The following SHROOM3 variants were observed in gnomAD, a reference collection of about 807,000 sequenced individuals.
SHROOM3 encodes the protein shroom family member 3, also known as protein Shroom3.
A neutral mutation model predicts 138.6 loss-of-function variants in SHROOM3; 47 were observed. The observed-to-expected ratio is 0.34, with a 90% confidence interval of 0.27 to 0.43. The LOEUF (loss-of-function observed/expected upper bound fraction) is 0.43. Among genes scored for constraint, SHROOM3 ranks in the 20% least tolerant of loss-of-function variants. The pLI, the probability that SHROOM3 is intolerant of heterozygous loss-of-function variation, is 1.00. For synonymous variants in SHROOM3, 1,062 were observed against 1,063.3 expected (o/e 1.00, Z 0.02); for missense variants, 2,491 against 2,596.5 (o/e 0.96, Z 0.88).
chr4:76,446,251 G>C (rs67436027), intron 1 of SHROOM3, among the ~76,000 whole-genome samples: 1 of 151,024 alleles, frequency 6.6e-6, no homozygotes, highest in Non-Finnish European at 1.5e-5. Flanking sequence ...TTCTTTCAAA[G>C]TAAAAACTGC....
At chr4:76,496,819 C>T (rs967938826) in intron 1 of SHROOM3, among the ~76,000 whole-genome samples, 3 of 152,130 alleles carry the variant, frequency 2.0e-5, no homozygotes, top group African/African-American at 7.2e-5. Context: ...TCTCTCTTCT[C>T]CCCAGAGTAT....
intron 9 of SHROOM3, among the ~76,000 whole-genome samples, chr4:76,761,541 TAA>T (rs1414580026): frequency 9.2e-5 from 14 of 152,206 alleles, no homozygotes; most frequent in Non-Finnish European, 4.4e-5. Flanking sequence ...TAATAGATGC[TAA>T]AGTCAGATTT....
intron 2 of SHROOM3, among the ~76,000 whole-genome samples, chr4:76,655,702 G>A (rs1736052066): frequency 6.6e-6 from 1 of 152,136 alleles, no homozygotes; most frequent in Non-Finnish European, 1.5e-5. Flanking sequence ...GTCCAAAAAG[G>A]CCAGTTAAGC....
In SHROOM3 at chr4:76,741,692, C is replaced by T. The variant is rs1016261358; in HGVS notation, c.3519C>T (p.Ser1173=). ...AGGCTCCCCGAGATCGCAGCAGCTC[C>T]TTCGCCGGTGGCCGCCGCCTCGGGG... ...TQQAPRDRSS[S]FAGGRRLGER... is the part of the protein sequence containing the mutation. The change falls in exon 5 of 11, where the codon TCC becomes TCT. Residue 1173 remains serine (S), a synonymous_variant. Coordinates refer to ENST00000296043, the MANE Select transcript of SHROOM3 (RefSeq NM_020859.4). The surrounding 1 kb of genome is among the most constrained non-coding windows in gnomAD (Gnocchi z 6.2). The T allele has an allele frequency of 2.6e-6, 4 of 1,552,450 alleles. No individual in the cohort carries two copies. Among genetic ancestry groups the T allele is most frequent in the African/African-American group, 2.7e-5 (2 of 73,438 alleles).
intron 2 of SHROOM3, among the ~76,000 whole-genome samples, chr4:76,682,627 A>G (rs1482557508): frequency 1.3e-5 from 2 of 152,072 alleles, no homozygotes; most frequent in African/African-American, 4.8e-5. Context: ...GGAGAGAGAA[A>G]GGAAAGGTAA....
At chr4:76,497,395 C>T (rs1238993529) in intron 1 of SHROOM3, among the ~76,000 whole-genome samples, 1 of 151,546 alleles carries the variant, frequency 6.6e-6, no homozygotes, top group East Asian at 1.9e-4. Context: ...CTCAAATAAA[C>T]AAGAAAAAAG....
At chr4:76,645,143 A>G (rs546032582) in intron 2 of SHROOM3, among the ~76,000 whole-genome samples, 10 of 152,318 alleles carry the variant, frequency 6.6e-5, no homozygotes, top group South Asian at 4.1e-4. Flanking sequence ...ACCTAAACTA[A>G]TTAATATGAA....
chr4:76,480,446 A>G (rs1247627735), intron 1 of SHROOM3, among the ~76,000 whole-genome samples: 1 of 152,246 alleles, frequency 6.6e-6, no homozygotes, highest in Non-Finnish European at 1.5e-5. Context: ...AACTATCCTA[A>G]ATACATATGC....
intron 4 of SHROOM3, among the ~76,000 whole-genome samples, 195 bp downstream of exon 4, chr4:76,731,130 T>C (rs1202878770): frequency 6.6e-6 from 1 of 152,198 alleles, no homozygotes; most frequent in African/African-American, 2.4e-5. Flanking sequence ...CTTGGCTAGA[T>C]CAACTTGAAG....
In SHROOM3 at chr4:76,741,696, G is replaced by A. The variant is rs1298874237; in HGVS notation, c.3523G>A (p.Ala1175Thr). 4 of 1,551,420 alleles carry A rather than the reference G, an allele frequency of 2.6e-6. No individual in the cohort carries two copies. The highest frequency in any genetic ancestry group is 2.4e-5 in the East Asian group (1 of 41,348). The change falls in exon 5 of 11, where the codon GCC becomes ACC. Residue 1175 changes from alanine (A) to threonine (T), a missense_variant. Physicochemically the swap from Ala to Thr is moderately conservative, Grantham distance 58 (BLOSUM62 0). Around this residue, in one of 4 missense-constraint regions of SHROOM3, gnomAD observed 1,733 missense variants for 1,661.6 expected, o/e 1.04. Coordinates refer to ENST00000296043, the MANE Select transcript of SHROOM3 (RefSeq NM_020859.4). The surrounding 1 kb of genome is among the most constrained non-coding windows in gnomAD (Gnocchi z 6.2). Reference sequence around the variant, plus strand: ...TCCCCGAGATCGCAGCAGCTCCTTCGCCGGTGGCCGCCGCCTCGGGGAACG... The same window carrying A: ...TCCCCGAGATCGCAGCAGCTCCTTCACCGGTGGCCGCCGCCTCGGGGAACG... The part of the protein sequence containing the change: ...QAPRDRSSSF[A>T]GGRRLGERRR...
At chr4:76,478,025 G>T (rs972366323) in intron 1 of SHROOM3, among the ~76,000 whole-genome samples, 3 of 152,116 alleles carry the variant, frequency 2.0e-5, no homozygotes, top group Admixed American at 1.3e-4. Context: ...CAGGGCCCTG[G>T]GTTTCAAGCA....
chr4:76,548,224 T>C (rs539448372), intron 1 of SHROOM3, among the ~76,000 whole-genome samples: 1 of 144,608 alleles, frequency 6.9e-6, no homozygotes, highest in African/African-American at 2.6e-5. Flanking sequence ...GGGGCTGGTA[T>C]TGAGTGATCC....
chr4:76,442,894 T>C lies in SHROOM3; in HGVS notation c.168+6674T>C, dbSNP rs562607235. On this transcript the variant is annotated intron_variant, in intron 1 of 10. Transcript: ENST00000296043. ...ACAATTATGAAAATGAAAATGTGAA[T>C]GAATAAAGAGGAAGATAAGTATTAG... Among the ~76,000 whole-genome samples, 6 of 152,262 alleles carry C rather than the reference T, an allele frequency of 3.9e-5. No homozygotes were observed. In the South Asian group the frequency reaches 1.2e-3, roughly 32 times the overall value.
intron 2 of SHROOM3, among the ~76,000 whole-genome samples, chr4:76,613,554 T>G (rs1162111512): frequency 6.6e-6 from 1 of 152,214 alleles, no homozygotes; most frequent in Non-Finnish European, 1.5e-5. Context: ...TCAAGTGGTC[T>G]TGGGAACATA....
intron 1 of SHROOM3, among the ~76,000 whole-genome samples, chr4:76,481,194 G>A (rs956968118): frequency 1.6e-4 from 25 of 152,218 alleles, no homozygotes; most frequent in African/African-American, 6.0e-4. Flanking sequence ...TAATCCAGAA[G>A]CTGGTTTTTT....
chr4:76,506,683 T>A (rs1244544453), intron 1 of SHROOM3, among the ~76,000 whole-genome samples: 1 of 152,092 alleles, frequency 6.6e-6, no homozygotes, highest in African/African-American at 2.4e-5. Context: ...ACTAGTAACC[T>A]CTCCTCCCCA....
chr4:76,771,617 A>AC (rs1277579120), intron 10 of SHROOM3, among the ~76,000 whole-genome samples: 1 of 152,060 alleles, frequency 6.6e-6, no homozygotes, highest in African/African-American at 2.4e-5. Context: ...TCTCCACTGC[A>AC]CCCCCTCCTC....
At chr4:76,729,848 G>A (rs1401391399) in intron 3 of SHROOM3, among the ~76,000 whole-genome samples, 2 of 152,160 alleles carry the variant, frequency 1.3e-5, no homozygotes, top group Admixed American at 1.3e-4. Context: ...AGAGATAGGT[G>A]CATTTTTAGC....
chr4:76,510,571 G>C (rs1732313505), intron 1 of SHROOM3, among the ~76,000 whole-genome samples: 1 of 152,242 alleles, frequency 6.6e-6, no homozygotes. Context: ...TCCACAGTGA[G>C]TGCTAAGTGT....
Sources: gnomAD v4.1 joint callset for allele counts (sites outside exome capture counted in the v4.1 genomes callset) on GRCh38, gnomAD v4.1.1 for gene constraint, gnomAD v4.1.1 regional missense constraint, Gnocchi (gnomAD v3.1) non-coding constraint, MANE v1.5 for transcripts, NCBI Gene and HGNC (gene_info 2026-07-23, HGNC 2026-07-21) for gene names.